Variants in TTC21B observed in about 807,000 individuals in gnomAD.
The protein encoded by TTC21B is tetratricopeptide repeat domain 21B.
Under a neutral mutation model 175.1 loss-of-function variants are expected in TTC21B, and 127 were observed. The ratio of observed to expected loss-of-function variants is 0.73; its 90% CI spans 0.63 to 0.84. The LOEUF (loss-of-function observed/expected upper bound fraction) is 0.84, where lower values mean the gene tolerates loss of function less well. Ranked by LOEUF, TTC21B falls within the 40% of genes least tolerant of loss-of-function variation. The probability of loss-of-function intolerance (pLI) is 0.00; values close to 1 mark genes in which losing one functional copy is unlikely to be tolerated. For synonymous variants in TTC21B, 524 were observed against 524.5 expected, an observed-to-expected ratio of 1.00 and a Z score of 0.01; for missense variants, 1,561 against 1,558.3, an observed-to-expected ratio of 1.00 and a Z score of -0.03.
At chr2:165,931,562 C>T (rs1404366642) in intron 8 of TTC21B, among the ~76,000 whole-genome samples, 196 bp downstream of exon 8, 1 of 152,128 alleles carries the variant, frequency 6.6e-6, no homozygotes, top group Non-Finnish European at 1.5e-5. Flanking sequence ...GTGGCATTTC[C>T]TCCATGAAGC....
chr2:165,928,128 A>G (rs1686743992), intron 11 of TTC21B, among the ~76,000 whole-genome samples: 1 of 152,176 alleles, frequency 6.6e-6, no homozygotes, highest in South Asian at 2.1e-4. Flanking sequence ...GGAAAAGAAC[A>G]TTATAGTAAT....
intron 22 of TTC21B, among the ~76,000 whole-genome samples, chr2:165,895,681 A>C (rs969463880): frequency 2.6e-5 from 4 of 152,146 alleles, no homozygotes; most frequent in Non-Finnish European, 5.9e-5. Context: ...GCCTGAAGAA[A>C]ATAAAAGTAG....
At chr2:165,880,657 T>C in intron 27 of TTC21B, 22 bp downstream of exon 27, 2 of 1,612,982 alleles carry the variant, frequency 1.2e-6, no homozygotes, top group Non-Finnish European at 1.7e-6. Context: ...CTGTGAAAAA[T>C]CTAGGTGATT....
chr2:165,881,702 G>T (rs1439217332), intron 26 of TTC21B, among the ~76,000 whole-genome samples: 1 of 152,058 alleles, frequency 6.6e-6, no homozygotes, highest in Non-Finnish European at 1.5e-5. Flanking sequence ...TCAAACATCA[G>T]TGCTATGATA....
In TTC21B at chr2:165,931,865, A is replaced by G; in HGVS notation, c.796-9T>C. 1 of 1,584,346 alleles carries G rather than the reference A, an allele frequency of 6.3e-7. No individual in the cohort carries two copies. Reference sequence around the variant, plus strand: ...TCCAGCTTGGTGGAAGCCTAAAACAAAAGGAACTGGTATTAACTTAAAATA... The same window carrying G: ...TCCAGCTTGGTGGAAGCCTAAAACAGAAGGAACTGGTATTAACTTAAAATA... On this transcript the variant is annotated splice_polypyrimidine_tract_variant and intron_variant, in intron 7 of 28. Coordinates refer to ENST00000243344, the MANE Select transcript of TTC21B (RefSeq NM_024753.5).
chr2:165,953,765 G>A lies in TTC21B; in HGVS notation c.-60C>T. On this transcript the variant is annotated 5_prime_UTR_variant, in exon 1 of 29. Transcript: ENST00000243344. ...ATTGTCTCGCCGCAGCCTAAAGGAA[G>A]ACGCAGAATTCAGCTCCCCTAGCCT... 4 of 1,546,568 alleles carry A rather than the reference G, an allele frequency of 2.6e-6. No individual in the cohort carries two copies. Among genetic ancestry groups the A allele is most frequent in the Admixed American group, 3.9e-5 (2 of 50,896 alleles).
At position 165,901,889 on chromosome 2, in the gene TTC21B, C is replaced by T. The variant is rs768255232; in HGVS notation, c.2590G>A (p.Val864Ile). Residue 864 changes from valine to isoleucine, a missense_variant, in exon 20 of 29, where the codon GTA becomes ATA. Val to Ile is a conservative substitution (Grantham distance 29). Transcript: ENST00000243344. The part of the protein sequence containing the change: ...LQQARELQAR[V>I]LKRVQMEQPD... Reference sequence around the variant, plus strand: ...TGTTCCATCTGAACACGTTTTAGTACCCGAGCTTGTAATTCTCGAGCCTAG... The same window carrying T: ...TGTTCCATCTGAACACGTTTTAGTATCCGAGCTTGTAATTCTCGAGCCTAG... The T allele has an allele frequency of 1.2e-5, 20 of 1,613,352 alleles. No homozygotes were observed. In the Admixed American group the frequency reaches 2.2e-4, roughly 17 times the overall value.
rs1469730049 is a variant in TTC21B, at chr2:165,930,298, G to T, written c.961C>A (p.Pro321Thr). The change falls in exon 9 of 29, where the codon CCT becomes ACT. Residue 321 changes from proline (P) to threonine (T), a missense_variant. Coordinates refer to ENST00000243344, the MANE Select transcript of TTC21B (RefSeq NM_024753.5). ...TLLERAFSLN[P>T]QQSEFATELG... ...TCTGTAGCAAATTCTGATTGCTGAG[G>T]GTTTAAACTAAAAGCTCTCTCAAGT... 6.2e-7 allele frequency: 1 copy of T among 1,612,834 alleles called. No homozygotes were observed. Among genetic ancestry groups the T allele is most frequent in the South Asian group, 1.1e-5 (1 of 90,996 alleles).
chr2:165,947,433 T>C (rs1020691114), intron 3 of TTC21B: 1 of 151,808 alleles, frequency 6.6e-6, no homozygotes, highest in Non-Finnish European at 1.5e-5. Context: ...CAAAACTGTT[T>C]CTGTAAGTCT....
intron 27 of TTC21B, chr2:165,880,006 C>A (rs1684788402): frequency 6.5e-6 from 1 of 152,684 alleles, no homozygotes; most frequent in South Asian, 2.1e-4. Context: ...CTCCGGAAAA[C>A]AGACTTGGGC....
chr2:165,888,170 A>AACT, intron 25 of TTC21B, 109 bp downstream of exon 25: 1 of 882,690 alleles, frequency 1.1e-6, no homozygotes, highest in East Asian at 2.6e-5. Context: ...TTTTAATAAA[A>AACT]GTTAAGTAAT....
At chr2:165,925,956 AT>A in intron 11 of TTC21B, among the ~76,000 whole-genome samples, 1 of 152,346 alleles carries the variant, frequency 6.6e-6, no homozygotes, top group South Asian at 2.1e-4. Context: ...AACAACCATC[AT>A]TTTCACTGCA....
chr2:165,904,987 A>G (rs1685681588), intron 19 of TTC21B, among the ~76,000 whole-genome samples: 1 of 152,172 alleles, frequency 6.6e-6, no homozygotes, highest in Non-Finnish European at 1.5e-5. Flanking sequence ...CATAATAGAT[A>G]GGGCAGATAG....
intron 11 of TTC21B, among the ~76,000 whole-genome samples, chr2:165,928,036 A>C (rs1686741360): frequency 6.6e-6 from 1 of 152,200 alleles, no homozygotes; most frequent in African/African-American, 2.4e-5. Context: ...CTGACTAATA[A>C]ATCCACATCA....
Position 165,874,792 on chromosome 2 carries a change from T to A in TTC21B, c.3914A>T (p.Asp1305Val), listed in dbSNP as rs147540469. Reference protein sequence around the residue: ...AHPTYPKIRKDILDKARASLR... With the variant: ...AHPTYPKIRKVILDKARASLR... ...AGACGCACGGGCCTTATCAAGTATATCCTTTCTGATTTTTGGATAAGTTGG... is the reference window on the plus strand; with the variant it reads ...AGACGCACGGGCCTTATCAAGTATAACCTTTCTGATTTTTGGATAAGTTGG... Residue 1305 changes from aspartate (D) to valine (V), a missense_variant, in exon 29 of 29, where the codon GAT (aspartate) becomes GTT (valine). Physicochemically the swap from Asp to Val is radical, Grantham distance 152 (BLOSUM62 -3). Transcript: ENST00000243344. The A allele has an allele frequency of 6.2e-7, 1 of 1,613,762 alleles. No individual in the cohort carries two copies. The highest frequency in any genetic ancestry group is 8.5e-7 in the Non-Finnish European group (1 of 1,179,824).
chr2:165,899,815 A>C lies in TTC21B; in HGVS notation c.2823T>G (p.Cys941Trp), dbSNP rs1198060490. 4.3e-6 allele frequency: 7 copies of C among 1,614,038 alleles called. No individual in the cohort carries two copies. The highest frequency in any genetic ancestry group is 5.9e-6 in the Non-Finnish European group (7 of 1,179,918). Residue 941 changes from cysteine (C) to tryptophan (W), a missense_variant, in exon 21 of 29, where the codon TGT becomes TGG. Transcript: ENST00000243344. ...QDDPDSCLRQCALLLQSDQDN... is the reference protein window; with the variant it reads ...QDDPDSCLRQWALLLQSDQDN... ...CCTGGTCACTCTGAAGCAGTAGAGCACACTGCCGCAGGCAGGAATCAGGGT... is the reference window on the plus strand; with the variant it reads ...CCTGGTCACTCTGAAGCAGTAGAGCCCACTGCCGCAGGCAGGAATCAGGGT...
intron 1 of TTC21B, among the ~76,000 whole-genome samples, chr2:165,953,483 C>G (rs1375519653): frequency 6.6e-6 from 1 of 152,216 alleles, no homozygotes; most frequent in Non-Finnish European, 1.5e-5. Context: ...CTGCCCAGAC[C>G]TGGGCTTCCC....
In TTC21B at chr2:165,883,874, G is replaced by A; in HGVS notation, c.3604C>T (p.Leu1202=). ...GATTGAATGTAAATATCAGCAAGTA[G>A]CAGCCAACTCTTCTCAAACTCTTCA... The part of the protein sequence containing the change: ...DAEEFEKSWL[L]LADIYIQSAK... The change falls in exon 26 of 29, where the codon CTA becomes TTA. Residue 1202 remains leucine (L), a synonymous_variant. Coordinates refer to ENST00000243344, the MANE Select transcript of TTC21B (RefSeq NM_024753.5). 1 of 1,614,068 alleles carries A rather than the reference G, an allele frequency of 6.2e-7. No individual in the cohort carries two copies. The highest frequency in any genetic ancestry group is 8.5e-7 in the Non-Finnish European group (1 of 1,179,986).
intron 8 of TTC21B, among the ~76,000 whole-genome samples, chr2:165,930,750 T>TGTGTGTGA: frequency 6.6e-6 from 1 of 151,268 alleles, no homozygotes; most frequent in Non-Finnish European, 1.5e-5. Flanking sequence ...TGTGTGTGTG[T>TGTGTGTGA]GTGTGTGTGT....
Sources: gnomAD v4.1 joint callset for allele counts (sites outside exome capture counted in the v4.1 genomes callset) on GRCh38, gnomAD v4.1.1 for gene constraint, MANE v1.5 for transcripts, NCBI Gene and HGNC (gene_info 2026-07-23, HGNC 2026-07-21) for gene names.